CASP5: variants seen among roughly 807,000 people sequenced by gnomAD.
CASP5 encodes the protein caspase 5.
CASP5 carries 42 observed loss-of-function variants against 45.2 expected under a neutral mutation model. The observed-to-expected ratio is 0.93, with a 90% confidence interval of 0.73 to 1.20. The LOEUF (loss-of-function observed/expected upper bound fraction) is 1.20, where lower values mean the gene tolerates loss of function less well. CASP5 is among the 50% of genes most tolerant of loss of function. The pLI, the probability that CASP5 is intolerant of heterozygous loss-of-function variation, is 0.00. For synonymous variants in CASP5, 209 were observed against 186.2 expected (o/e 1.12, Z -1.00); for missense variants, 512 against 532.2 (o/e 0.96, Z 0.37).
Position 105,002,195 on chromosome 11 carries a change from G to C in CASP5, c.550C>G (p.Pro184Ala). 5 of 1,613,832 alleles carry C rather than the reference G, an allele frequency of 3.1e-6. No homozygotes were observed. The highest frequency in any genetic ancestry group is 4.2e-6 in the Non-Finnish European group (5 of 1,179,896). ...CTGCGGTCCTCTCTCTTTTTTATTGGATAGATCTGCAGGAGATGGAGATGA... is the reference window on the plus strand; with the variant it reads ...CTGCGGTCCTCTCTCTTTTTTATTGCATAGATCTGCAGGAGATGGAGATGA... ...LCKKNHDEIY[P>A]IKKREDRRRL... The change falls in exon 5 of 10, where the codon CCA (proline) becomes GCA (alanine). Residue 184 changes from proline (P) to alanine (A), a missense_variant. By Grantham distance (27) the Pro-to-Ala change is conservative. Transcript: ENST00000260315.
At chr11:105,006,948 G>T (rs1052151041) in intron 3 of CASP5, 135 bp downstream of exon 3, 5 of 811,076 alleles carry the variant, frequency 6.2e-6, no homozygotes, top group Admixed American at 5.0e-5. Context: ...TCTCTAACAG[G>T]ATGATGACAT....
intron 6 of CASP5, 150 bp downstream of exon 6, chr11:105,000,111 A>G (rs1861650594): frequency 1.0e-5 from 8 of 784,370 alleles, no homozygotes; most frequent in Non-Finnish European, 1.4e-5. Context: ...TTCTCATTAT[A>G]TCAGCCCCTT....
chr11:105,016,633 T>C (rs147443972), intron 1 of CASP5, among the ~76,000 whole-genome samples: 8,859 of 151,748 alleles, frequency 0.058, 787 homozygotes, highest in African/African-American at 0.2. Context: ...GATTATATCC[T>C]GCACCTGGCT....
chr11:105,000,407 A>G lies in CASP5; in HGVS notation c.806T>C (p.Ile269Thr), dbSNP rs1039249438. The change falls in exon 6 of 10, where the codon ATC (isoleucine) becomes ACC (threonine). Residue 269 changes from isoleucine (I) to threonine (T), a missense_variant. Physicochemically the swap from Ile to Thr is moderately conservative, Grantham distance 89 (BLOSUM62 -1). Coordinates refer to ENST00000260315, the MANE Select transcript of CASP5 (RefSeq NM_004347.5). ...STFLVLMSHG[I>T]LEGICGTAHK... ...CGCAGTTCCGCAGATTCCCTCTAGG[A>G]TGCCATGAGACATGAGTACCAAGAA... The G allele has an allele frequency of 6.2e-7, 1 of 1,614,072 alleles. No individual in the cohort carries two copies. The highest frequency in any genetic ancestry group is 1.3e-5 in the African/African-American group (1 of 74,934).
chr11:105,022,305 TATA>T (rs1049236543), intron 1 of CASP5, among the ~76,000 whole-genome samples: 3 of 151,472 alleles, frequency 2.0e-5, no homozygotes, highest in African/African-American at 7.3e-5. Context: ...AAACTTAAAG[TATA>T]ATAATAATAA....
intron 8 of CASP5, 29 bp downstream of exon 8, chr11:104,997,354 A>T: frequency 1.4e-6 from 2 of 1,397,180 alleles, no homozygotes; most frequent in Non-Finnish European, 2.0e-6. Flanking sequence ...CAAATAAGTA[A>T]ATGACTAGAA....
intron 6 of CASP5, among the ~76,000 whole-genome samples, chr11:104,999,273 C>T (rs1861614984): frequency 6.6e-6 from 1 of 152,048 alleles, no homozygotes; most frequent in Admixed American, 6.6e-5. Flanking sequence ...TCTCATTGTT[C>T]AACCCTCACT....
intron 1 of CASP5, among the ~76,000 whole-genome samples, chr11:105,016,505 G>A (rs1226906965): frequency 6.6e-6 from 1 of 152,238 alleles, no homozygotes; most frequent in Admixed American, 6.5e-5. Context: ...GGAAGCGCAA[G>A]GGGTCAGGGA....
intron 1 of CASP5, among the ~76,000 whole-genome samples, chr11:105,021,773 C>G (rs1197161668): frequency 1.7e-4 from 26 of 150,212 alleles, no homozygotes; most frequent in Non-Finnish European, 3.7e-4. Flanking sequence ...GGATCTAGAA[C>G]TAGAAATACC....
At position 105,010,471 on chromosome 11, in the gene CASP5, A is replaced by G. The variant is rs561352122; in HGVS notation, c.8-1491T>C. Among the ~76,000 whole-genome samples, 542 of 124,452 alleles carry G rather than the reference A, an allele frequency of 4.4e-3. 7 individuals carry two copies. Among genetic ancestry groups the G allele is most frequent in the African/African-American group, 0.013 (523 of 39,064 alleles). The allele number at this position is 124,452 out of a possible 152,430, so 81.6% of individuals were successfully genotyped here. A position where few individuals can be genotyped will look rare whatever the true frequency, so the allele number is the denominator to read the frequency against. Reference sequence around the variant, plus strand: ...CATTATTATACTGATATAATAAATCAGTAATTATCATTATACTGATATAAT... The same window carrying G: ...CATTATTATACTGATATAATAAATCGGTAATTATCATTATACTGATATAAT... On this transcript the variant is annotated intron_variant, in intron 1 of 9. Coordinates refer to ENST00000260315, the MANE Select transcript of CASP5 (RefSeq NM_004347.5).
At chr11:105,007,376 T>G (rs1862062719) in intron 2 of CASP5, 42 bp from the exon 3 acceptor site, 1 of 1,554,882 alleles carries the variant, frequency 6.4e-7, no homozygotes, top group African/African-American at 1.4e-5. Context: ...GGGCACAGCT[T>G]AAAGAGTTCT....
At chr11:105,016,254 G>T (rs2134749330) in intron 1 of CASP5, among the ~76,000 whole-genome samples, 1 of 152,274 alleles carries the variant, frequency 6.6e-6, no homozygotes, top group Non-Finnish European at 1.5e-5. Flanking sequence ...GCTATTCAGG[G>T]TTGGGAATGC....
rs113741374 is a variant in CASP5 at position 105,001,897 on chromosome 11, T to TACACAC, written c.717+125_717+130dup. ...TCATTTGCTAGTGCATGTGCGCATG[T>TACACAC]ACACACACACACACACACGCACACG... On this transcript the variant is annotated intron_variant, in intron 5 of 9. Coordinates refer to ENST00000260315, the MANE Select transcript of CASP5 (RefSeq NM_004347.5). 4.4e-4 allele frequency: 316 copies of TACACAC among 720,772 alleles called. 1 individual carries two copies. The South Asian group carries it at 6.1e-3, about 14-fold the overall frequency. 44.6% of individuals were successfully genotyped at this position (720,772 alleles called of 1,614,324 possible).
chr11:105,003,421 C>T, intron 3 of CASP5, 38 bp from the exon 4 acceptor site: 1 of 1,109,656 alleles, frequency 9.0e-7, no homozygotes, highest in Non-Finnish European at 1.3e-6. Context: ...TGGTTTCTGC[C>T]TCTGTGACCC....
At chr11:105,014,298 T>A (rs1001361420) in intron 1 of CASP5, among the ~76,000 whole-genome samples, 10 of 109,124 alleles carry the variant, frequency 9.2e-5, no homozygotes, top group Non-Finnish European at 1.5e-4. Context: ...CAGATGGCAT[T>A]TTTTTTTTTC....
intron 1 of CASP5, among the ~76,000 whole-genome samples, chr11:105,012,190 C>T (rs538577415): frequency 1.8e-4 from 28 of 151,820 alleles, no homozygotes; most frequent in African/African-American, 6.0e-4. Flanking sequence ...GCTAAGGACA[C>T]TTTCTTCGAT....
chr11:104,999,802 A>G (rs1861638366), intron 6 of CASP5, among the ~76,000 whole-genome samples: 1 of 152,202 alleles, frequency 6.6e-6, no homozygotes, highest in Non-Finnish European at 1.5e-5. Context: ...AGATTGACTT[A>G]AATCCCCTCA....
At chr11:105,020,809 T>C (rs1239592848) in intron 1 of CASP5, among the ~76,000 whole-genome samples, 1 of 152,248 alleles carries the variant, frequency 6.6e-6, no homozygotes, top group African/African-American at 2.4e-5. Flanking sequence ...AAAAAACTAC[T>C]TTACAGTTCA....
chr11:105,004,125 T>C (rs1462150990), intron 3 of CASP5, among the ~76,000 whole-genome samples: 3 of 152,158 alleles, frequency 2.0e-5, no homozygotes, highest in Non-Finnish European at 4.4e-5. Flanking sequence ...GCTTCAGTTA[T>C]CTTTCAACAA....
Sources: allele counts gnomAD v4.1 joint callset (sites outside exome capture counted in the v4.1 genomes callset), GRCh38; gene constraint gnomAD v4.1.1; transcripts MANE v1.5; gene names NCBI Gene and HGNC (gene_info 2026-07-23, HGNC 2026-07-21).